The following PDCD4 variants were observed in gnomAD, a reference collection of about 807,000 sequenced individuals.
The protein encoded by PDCD4 is programmed cell death 4.
A neutral mutation model predicts 54.0 loss-of-function variants in PDCD4; 56 were observed. The ratio of observed to expected loss-of-function variants is 1.04; its 90% CI spans 0.84 to 1.30. The LOEUF is 1.30. Ranked by LOEUF, PDCD4 falls within the 50% of genes most tolerant of loss-of-function variation. The pLI is 0.00. For missense variants in PDCD4, 584 were observed against 559.8 expected, an observed-to-expected ratio of 1.04 and a Z score of -0.44; for synonymous variants, 186 against 194.8, an observed-to-expected ratio of 0.95 and a Z score of 0.37.
intron 3 of PDCD4, among the ~76,000 whole-genome samples, chr10:110,882,196 C>G (rs1590730270): frequency 6.6e-6 from 1 of 152,144 alleles, no homozygotes; most frequent in African/African-American, 2.4e-5. Context: ...AATGCCTCTG[C>G]AATCATGTTT....
intron 4 of PDCD4, among the ~76,000 whole-genome samples, chr10:110,883,502 T>A (rs533239631): frequency 6.6e-6 from 1 of 152,328 alleles, no homozygotes; most frequent in East Asian, 1.9e-4. Context: ...ATGCTGAAAA[T>A]GTAAATTTTT....
chr10:110,878,549 A>G (rs773208013), intron 2 of PDCD4, among the ~76,000 whole-genome samples: 2 of 152,114 alleles, frequency 1.3e-5, no homozygotes, highest in African/African-American at 2.4e-5. Flanking sequence ...AATTTATGTG[A>G]TCCTGATCTT....
chr10:110,889,400 A>T, intron 6 of PDCD4, 133 bp from the exon 7 acceptor site: 1 of 653,982 alleles, frequency 1.5e-6, no homozygotes, highest in Admixed American at 2.7e-5. Flanking sequence ...TTTTTTTTTA[A>T]AAAAAAATTC....
chr10:110,885,175 A>G (rs1445880080), intron 4 of PDCD4, 78 bp from the exon 5 acceptor site: 1 of 701,002 alleles, frequency 1.4e-6, no homozygotes, highest in Non-Finnish European at 2.6e-6. Context: ...ACCACTTAGA[A>G]TATAAAATTG....
intron 6 of PDCD4, among the ~76,000 whole-genome samples, chr10:110,888,438 T>C (rs1026899189): frequency 1.3e-5 from 2 of 152,172 alleles, no homozygotes; most frequent in African/African-American, 4.8e-5. Context: ...GTATGAGATA[T>C]TAAGTGGTGA....
chr10:110,883,205 G>A, intron 4 of PDCD4, 108 bp downstream of exon 4: 1 of 719,010 alleles, frequency 1.4e-6, no homozygotes, highest in Non-Finnish European at 2.3e-6. Context: ...TAAATGTTTT[G>A]GATTAGGAAA....
intron 11 of PDCD4, among the ~76,000 whole-genome samples, chr10:110,897,573 T>C (rs11195368): frequency 0.064 from 9,784 of 152,314 alleles, 422 homozygotes; most frequent in African/African-American, 0.12. Flanking sequence ...ATTCAAGTTA[T>C]GGCTTTTCTA....
chr10:110,875,250 C>A (rs891434369), intron 1 of PDCD4, among the ~76,000 whole-genome samples: 9 of 152,054 alleles, frequency 5.9e-5, no homozygotes, highest in Non-Finnish European at 1.5e-5. Context: ...CATTTTGAAA[C>A]TGAGGCCTAA....
At chr10:110,880,948 A>T (rs986709695) in intron 2 of PDCD4, among the ~76,000 whole-genome samples, 1 of 152,236 alleles carries the variant, frequency 6.6e-6, no homozygotes, top group African/African-American at 2.4e-5. Context: ...GTGAAATAAC[A>T]TGCTTCTTTT....
intron 11 of PDCD4, among the ~76,000 whole-genome samples, chr10:110,896,520 G>A (rs759509661): frequency 1.3e-5 from 2 of 152,088 alleles, no homozygotes; most frequent in African/African-American, 2.4e-5. Flanking sequence ...CTTCTTTACA[G>A]GTTGGAGAAT....
At chr10:110,883,953 T>C (rs1029299529) in intron 4 of PDCD4, among the ~76,000 whole-genome samples, 3 of 152,240 alleles carry the variant, frequency 2.0e-5, no homozygotes, top group Non-Finnish European at 4.4e-5. Context: ...TATTAATCTT[T>C]CAAGTATATG....
At position 110,882,537 on chromosome 10, in the gene PDCD4, A is replaced by G. The variant is rs912863802; in HGVS notation, c.347-466A>G. Among the ~76,000 whole-genome samples, 11 of 152,294 alleles carry G rather than the reference A, an allele frequency of 7.2e-5. No homozygotes were observed. In the East Asian group the frequency reaches 2.1e-3, roughly 29 times the overall value. On this transcript the variant is annotated intron_variant, in intron 3 of 11. Coordinates refer to ENST00000280154, the MANE Select transcript of PDCD4 (RefSeq NM_014456.5). ...GGTTTAATGTGTACTTTAATATTTA[A>G]AGAGTACTGTATTTGACCTTAAAAT...
In PDCD4 at chr10:110,898,336, T is replaced by C. The variant is rs1194177840; in HGVS notation, c.*248T>C. 15 of 308,176 alleles carry C rather than the reference T, an allele frequency of 4.9e-5. No individual in the cohort carries two copies. Among genetic ancestry groups the C allele is most frequent in the Admixed American group, 1.5e-4 (3 of 20,126 alleles). 19.1% of individuals were successfully genotyped at this position (308,176 alleles called of 1,614,324 possible). A position where few individuals can be genotyped will look rare whatever the true frequency, so the allele number is the denominator to read the frequency against. On this transcript the variant is annotated 3_prime_UTR_variant, in exon 12 of 12. Coordinates refer to ENST00000280154, the MANE Select transcript of PDCD4 (RefSeq NM_014456.5). ...TCTTAAGTGGAATATTCTAATAAGC[T>C]ACCTTTTGTAAGTGCCATGTTTATT... is the stretch of plus-strand genomic sequence containing the variant.
chr10:110,898,119 T>C lies in PDCD4; in HGVS notation c.*31T>C, dbSNP rs1034503022. 9 of 1,242,816 alleles carry C rather than the reference T, an allele frequency of 7.2e-6. No homozygotes were observed. Among genetic ancestry groups the C allele is most frequent in the Middle Eastern group, 4.6e-4 (2 of 4,338 alleles). 77.0% of individuals were successfully genotyped at this position (1,242,816 alleles called of 1,614,324 possible). A position where few individuals can be genotyped will look rare whatever the true frequency, so the allele number is the denominator to read the frequency against. On this transcript the variant is annotated 3_prime_UTR_variant, in exon 12 of 12. Coordinates refer to ENST00000280154, the MANE Select transcript of PDCD4 (RefSeq NM_014456.5). ...AGAACTCTTGCAGTCTTAGATGTTA[T>C]AAAAATATATATCTGAATTGTAAGA...
intron 11 of PDCD4, among the ~76,000 whole-genome samples, chr10:110,896,744 G>T (rs1361388156): frequency 6.6e-6 from 1 of 152,032 alleles, no homozygotes; most frequent in Non-Finnish European, 1.5e-5. Context: ...CTTTTTGCTT[G>T]TGTGGGTCAG....
rs1252318986 is a variant in PDCD4 at position 110,899,902 on chromosome 10, ATT to A, written c.*1817_*1818del. 3 of 153,186 alleles carry A rather than the reference ATT, an allele frequency of 2.0e-5. No individual in the cohort carries two copies. Among genetic ancestry groups the A allele is most frequent in the Admixed American group, 6.5e-5 (1 of 15,318 alleles). The allele number at this position is 153,186 out of a possible 1,614,324, so 9.5% of individuals were successfully genotyped here. A position where few individuals can be genotyped will look rare whatever the true frequency, so the allele number is the denominator to read the frequency against. ...CATGGCACATAAAATTGGTTAAAAA[ATT>A]TTGTTTTTTAATTACGTAATGTAAA... is the stretch of plus-strand genomic sequence containing the variant. On this transcript the variant is annotated 3_prime_UTR_variant, in exon 12 of 12. Transcript: ENST00000280154.
intron 8 of PDCD4, among the ~76,000 whole-genome samples, chr10:110,892,514 G>T (rs1399788095): frequency 6.6e-6 from 1 of 152,110 alleles, no homozygotes; most frequent in Non-Finnish European, 1.5e-5. Context: ...TTTGATGGGG[G>T]ATATTTTTAA....
At position 110,898,112 on chromosome 10, in the gene PDCD4, G is replaced by C. The variant is rs774971106; in HGVS notation, c.*24G>C. The C allele has an allele frequency of 3.3e-6, 4 of 1,199,070 alleles. No individual in the cohort carries two copies. Among genetic ancestry groups the C allele is most frequent in the Non-Finnish European group, 3.4e-6 (3 of 871,862 alleles). 74.3% of individuals were successfully genotyped at this position (1,199,070 alleles called of 1,614,324 possible). On this transcript the variant is annotated 3_prime_UTR_variant, in exon 12 of 12. Transcript: ENST00000280154. The stretch of plus-strand genomic sequence containing the variant: ...GAATATAAGAACTCTTGCAGTCTTA[G>C]ATGTTATAAAAATATATATCTGAAT...
Position 110,890,665 on chromosome 10 carries a change from A to G in PDCD4, c.985A>G (p.Lys329Glu). ...GGQQSVNHLV[K>E]EIDMLLKEYL... ...GCAGCAATCTGTCAATCACCTTGTTAAAGAGGTAATGATTGGGTATTGTTT... is the reference window on the plus strand; with the variant it reads ...GCAGCAATCTGTCAATCACCTTGTTGAAGAGGTAATGATTGGGTATTGTTT... The change falls in exon 8 of 12, where the codon AAA becomes GAA. Residue 329 changes from lysine to glutamate, a missense_variant. Transcript: ENST00000280154. 2 of 1,585,844 alleles carry G rather than the reference A, an allele frequency of 1.3e-6. No homozygotes were observed. The highest frequency in any genetic ancestry group is 1.7e-6 in the Non-Finnish European group (2 of 1,155,286).
Sources: gnomAD v4.1 joint callset for allele counts (sites outside exome capture counted in the v4.1 genomes callset) on GRCh38, gnomAD v4.1.1 for gene constraint, MANE v1.5 for transcripts, NCBI Gene and HGNC (gene_info 2026-07-23, HGNC 2026-07-21) for gene names.